CARS2: variants seen among roughly 807,000 people sequenced by gnomAD.
The protein encoded by CARS2 is probable cysteine--tRNA ligase, mitochondrial.
Under a neutral mutation model 68.8 loss-of-function variants are expected in CARS2, and 52 were observed. The ratio of observed to expected loss-of-function variants is 0.76; its 90% CI spans 0.61 to 0.95. CARS2 has a LOEUF of 0.95. Ranked by LOEUF, CARS2 falls within the 40% of genes least tolerant of loss-of-function variation. The pLI is 0.00. For missense variants in CARS2, 780 were observed against 754.2 expected (o/e 1.03, Z -0.40); for synonymous variants, 314 against 303.6 (o/e 1.03, Z -0.36).
chr13:110,651,604 A>G (rs1046217625), intron 9 of CARS2, among the ~76,000 whole-genome samples: 2 of 152,222 alleles, frequency 1.3e-5, no homozygotes, highest in African/African-American at 4.8e-5. Flanking sequence ...TTGGTGGCAC[A>G]GTTCTTGTAA....
At position 110,705,944 on chromosome 13, in the gene CARS2, C is replaced by A. The variant is rs752758322; in HGVS notation, c.150G>T (p.Thr50=). 3.8e-6 allele frequency: 6 copies of A among 1,561,566 alleles called. No individual in the cohort carries two copies. Among genetic ancestry groups the A allele is most frequent in the Non-Finnish European group, 5.2e-6 (6 of 1,156,994 alleles). ...RAWLQPTGRE[T]GVQVYNSLTG... ...TGAGGCTGTTGTACACCTGCACACC[C>A]GTCTCCCGGCCCGTGGGCTGCAGCC... The change falls in exon 1 of 15, where the codon ACG becomes ACT. Residue 50 remains threonine (T), a synonymous_variant. Coordinates refer to ENST00000257347, the MANE Select transcript of CARS2 (RefSeq NM_024537.4). The surrounding 1 kb of genome is among the most constrained non-coding windows in gnomAD (Gnocchi z 4.0).
chr13:110,641,488 A>G lies in CARS2; in HGVS notation c.*49T>C. The G allele has an allele frequency of 6.9e-7, 1 of 1,441,732 alleles. No individual in the cohort carries two copies. The highest frequency in any genetic ancestry group is 9.8e-7 in the Non-Finnish European group (1 of 1,022,548). 89.3% of individuals were successfully genotyped at this position (1,441,732 alleles called of 1,614,324 possible). On this transcript the variant is annotated 3_prime_UTR_variant, in exon 15 of 15. Coordinates refer to ENST00000257347, the MANE Select transcript of CARS2 (RefSeq NM_024537.4). ...TTTAACATAAAGCCTTGACCCTGAG[A>G]AGCATGGGTGCGTCTTGTCGTGAGC...
Position 110,647,235 on chromosome 13 carries a change from G to A in CARS2, c.1059C>T (p.Ile353=), listed in dbSNP as rs200079151. The part of the protein sequence containing the change: ...FCLRSSYRSA[I]DYSDSAMLQA... ...GGAGCATGGCGCTGTCACTGTAGTC[G>A]ATGGCTGAGGAGGAAGAGATGGTCA... Residue 353 remains isoleucine (I), a synonymous_variant, in exon 11 of 15, where the codon ATC becomes ATT. Coordinates refer to ENST00000257347, the MANE Select transcript of CARS2 (RefSeq NM_024537.4). 216 of 1,612,226 alleles carry A rather than the reference G, an allele frequency of 1.3e-4. 1 individual carries two copies. In the East Asian group the frequency reaches 4.3e-3, roughly 32 times the overall value.
chr13:110,710,618 C>A (rs200578561), upstream of CARS2, among the ~76,000 whole-genome samples: 11 of 152,124 alleles, frequency 7.2e-5, no homozygotes, highest in East Asian at 1.7e-3. Context: ...AATTAAGCAC[C>A]TTTCTTCAAT....
intron 3 of CARS2, 78 bp from the exon 4 acceptor site, chr13:110,688,096 G>A (rs1216356423): frequency 6.2e-6 from 6 of 962,208 alleles, no homozygotes; most frequent in African/African-American, 1.6e-5. Flanking sequence ...GAAAGCCCAC[G>A]TGCACAACAC....
At chr13:110,682,087 G>A (rs1190139728) in intron 6 of CARS2, among the ~76,000 whole-genome samples, 3 of 152,230 alleles carry the variant, frequency 2.0e-5, no homozygotes, top group East Asian at 1.9e-4. Flanking sequence ...AAGCTGATGC[G>A]TCAATGGTGG....
At position 110,705,899 on chromosome 13, in the gene CARS2, T is replaced by TA. The variant is rs2063935073; in HGVS notation, c.194dup (p.Ile66AsnfsTer12). The TA allele has an allele frequency of 7.0e-6, 11 of 1,573,636 alleles. No individual in the cohort carries two copies. The highest frequency in any genetic ancestry group is 9.5e-6 in the Non-Finnish European group (11 of 1,161,892). ...AGGCGGCTTCGGCGTGCGCCACGAT[T>TA]AGGGGTTCCTTCCTCCCGGTGAGGC... On this transcript the variant is annotated frameshift_variant, in exon 1 of 15. Transcript: ENST00000257347. LOFTEE classifies it high-confidence loss of function. This position sits in a 1 kb window ranked among gnomAD's most constrained non-coding sequence, Gnocchi z 4.0.
chr13:110,687,847 G>A (rs1228881149), intron 4 of CARS2, 21 bp from the exon 5 acceptor site: 1 of 1,576,680 alleles, frequency 6.3e-7, no homozygotes, highest in African/African-American at 1.3e-5. Context: ...GTGGAGACGT[G>A]ACCGTGTTTC....
At chr13:110,655,451 T>C (rs946229863) in intron 9 of CARS2, among the ~76,000 whole-genome samples, 3 of 152,184 alleles carry the variant, frequency 2.0e-5, no homozygotes, top group Non-Finnish European at 2.9e-5. Flanking sequence ...TTCGAGAGAA[T>C]GAACCAACTC....
At chr13:110,663,783 AC>A in intron 8 of CARS2, 1 of 1,239,690 alleles carries the variant, frequency 8.1e-7, no homozygotes, top group Non-Finnish European at 1.0e-6. Context: ...CAGAAGCTAA[AC>A]AAGAGCCAGC....
intron 3 of CARS2, among the ~76,000 whole-genome samples, chr13:110,694,918 A>G (rs1308654946): frequency 6.6e-6 from 1 of 152,208 alleles, no homozygotes; most frequent in East Asian, 1.9e-4. Flanking sequence ...GGTAAAGAAA[A>G]CGCAGCACAG....
At chr13:110,712,931 C>T (rs1212346898) in intron 1 of CARS2, 1 of 1,556,810 alleles carries the variant, frequency 6.4e-7, no homozygotes, top group Non-Finnish European at 8.7e-7. Flanking sequence ...GGCGCAGGCG[C>T]GGGAGCCGCC....
chr13:110,708,968 G>T (rs2064004752), upstream of CARS2, among the ~76,000 whole-genome samples: 2 of 151,988 alleles, frequency 1.3e-5, no homozygotes, highest in African/African-American at 2.4e-5. Context: ...TGGCCAGGCT[G>T]GTCTGGGACT....
Position 110,683,061 on chromosome 13 carries a change from G to C in CARS2, c.645C>G (p.Val215=), listed in dbSNP as rs776642452. ...GKLVGVVPGP[V]GEPADSDKRH... The stretch of plus-strand genomic sequence containing the variant: ...GCCCGGCCAACCCACCTGGCTCTCC[G>C]ACTGGACCAGGGACCACGCCGACCA... The change falls in exon 6 of 15, where the codon GTC becomes GTG. Residue 215 remains valine (V), a synonymous_variant. Transcript: ENST00000257347. 1 of 1,600,498 alleles carries C rather than the reference G, an allele frequency of 6.2e-7. No individual in the cohort carries two copies. The highest frequency in any genetic ancestry group is 2.3e-5 in the East Asian group (1 of 43,628).
In CARS2 at chr13:110,641,615, A is replaced by G. The variant is rs370073455; in HGVS notation, c.1624-7T>C. The G allele has an allele frequency of 3.7e-6, 6 of 1,612,010 alleles. 1 individual carries two copies. In the South Asian group the frequency reaches 4.4e-5, roughly 12 times the overall value. ...ATGTTGTACTGCTTCTGTCCTGGAGAAGAAGAGTGAGGTCCAACTCTGAGC... is the reference window on the plus strand; with the variant it reads ...ATGTTGTACTGCTTCTGTCCTGGAGGAGAAGAGTGAGGTCCAACTCTGAGC... On this transcript the variant is annotated splice_region_variant and splice_polypyrimidine_tract_variant and intron_variant, in intron 14 of 14. Transcript: ENST00000257347.
chr13:110,644,094 G>GTCTT, intron 13 of CARS2: 1 of 1,324,244 alleles, frequency 7.6e-7, no homozygotes, highest in South Asian at 1.2e-5. Context: ...CATTCTGAGA[G>GTCTT]TCTTTGAACA....
chr13:110,641,505 G>C lies in CARS2; in HGVS notation c.*32C>G, dbSNP rs200368655. The C allele has an allele frequency of 3.2e-6, 5 of 1,564,272 alleles. No homozygotes were observed. Among genetic ancestry groups the C allele is most frequent in the Non-Finnish European group, 4.4e-6 (5 of 1,134,438 alleles). On this transcript the variant is annotated 3_prime_UTR_variant, in exon 15 of 15. Coordinates refer to ENST00000257347, the MANE Select transcript of CARS2 (RefSeq NM_024537.4). ...ACCCTGAGAAGCATGGGTGCGTCTT[G>C]TCGTGAGCAGGTTCATGGCTGTGCT...
chr13:110,663,555 T>C, intron 8 of CARS2, 37 bp from the exon 9 acceptor site: 1 of 1,607,588 alleles, frequency 6.2e-7, no homozygotes. Context: ...CTGAGCTGGG[T>C]GAGGAGACTC....
In CARS2 at chr13:110,668,370, C is replaced by T. The variant is rs1203847483; in HGVS notation, c.786-897G>A. ...CATCCTGGCTAACATGGTGAAACCCCGTCTCCACTAAAATACAAAAAATCA... is the reference window on the plus strand; with the variant it reads ...CATCCTGGCTAACATGGTGAAACCCTGTCTCCACTAAAATACAAAAAATCA... On this transcript the variant is annotated intron_variant, in intron 7 of 14. Coordinates refer to ENST00000257347, the MANE Select transcript of CARS2 (RefSeq NM_024537.4). The surrounding 1 kb of genome is among the most constrained non-coding windows in gnomAD (Gnocchi z 4.1). Among the ~76,000 whole-genome samples the T allele has an allele frequency of 2.0e-5, 3 of 151,924 alleles. No homozygotes were observed. The highest frequency in any genetic ancestry group is 4.4e-5 in the Non-Finnish European group (3 of 67,990).
Sources: allele counts gnomAD v4.1 joint callset (sites outside exome capture counted in the v4.1 genomes callset), GRCh38; gene constraint gnomAD v4.1.1; non-coding constraint Gnocchi (gnomAD v3.1); transcripts MANE v1.5; gene names NCBI Gene and HGNC (gene_info 2026-07-23, HGNC 2026-07-21).